The following ABCC1 variants were observed in gnomAD, a reference collection of about 807,000 sequenced individuals.
The protein encoded by ABCC1 is ATP binding cassette subfamily C member 1 (ABCC1 blood group), also known as multidrug resistance-associated protein 1.
A neutral mutation model predicts 172.9 loss-of-function variants in ABCC1; 83 were observed. The observed-to-expected ratio is 0.48, with a 90% CI of 0.40 to 0.58. The LOEUF (loss-of-function observed/expected upper bound fraction) is 0.58. Ranked by LOEUF, ABCC1 falls within the 20% of genes least tolerant of loss-of-function variation. ABCC1 has a pLI of 0.00. For missense variants in ABCC1, 1,817 were observed against 2,002.7 expected, an observed-to-expected ratio of 0.91 and a Z score of 1.77; for synonymous variants, 937 against 825.2, an observed-to-expected ratio of 1.14 and a Z score of -2.32.
intron 19 of ABCC1, among the ~76,000 whole-genome samples, chr16:16,093,242 A>G (rs1326903703): frequency 1.3e-5 from 2 of 151,880 alleles, no homozygotes; most frequent in Non-Finnish European, 2.9e-5. Context: ...TTAGGTGACA[A>G]TACCCTTTGT....
At chr16:16,134,603 C>T in intron 28 of ABCC1, 95 bp downstream of exon 28, 6 of 589,040 alleles carry the variant, frequency 1.0e-5, no homozygotes, top group Non-Finnish European at 1.8e-5. Context: ...GGCAAACATA[C>T]ATTTGGCCCT....
At position 16,045,980 on chromosome 16, in the gene ABCC1, C is replaced by T. The variant is rs780986524; in HGVS notation, c.1185C>T (p.Ile395=). 2 of 1,614,176 alleles carry T rather than the reference C, an allele frequency of 1.2e-6. No homozygotes were observed. The highest frequency in any genetic ancestry group is 8.5e-7 in the Non-Finnish European group (1 of 1,180,036). ...FHICFVSGMR[I]KTAVIGAVYR... ...TCTGCTTCGTCAGTGGCATGAGGAT[C>T]AAGACCGCTGTCATTGGGGCTGTCT... The change falls in exon 9 of 31, where the codon ATC becomes ATT. Residue 395 remains isoleucine, a synonymous_variant. Transcript: ENST00000399410.
chr16:16,123,437 C>T (rs913921368), intron 24 of ABCC1, among the ~76,000 whole-genome samples: 5 of 151,936 alleles, frequency 3.3e-5, no homozygotes, highest in Non-Finnish European at 7.4e-5. Context: ...GAGTTCAAGA[C>T]CAGCCTGGTC....
At chr16:15,976,156 A>G (rs2046486983) in intron 1 of ABCC1, among the ~76,000 whole-genome samples, 1 of 151,830 alleles carries the variant, frequency 6.6e-6, no homozygotes, top group Non-Finnish European at 1.5e-5. Flanking sequence ...GATCCCAGCT[A>G]CTCGGGAGGC....
intron 27 of ABCC1, 67 bp downstream of exon 27, chr16:16,132,002 A>G: frequency 6.4e-7 from 1 of 1,567,864 alleles, no homozygotes; most frequent in Non-Finnish European, 8.7e-7. Context: ...CGGGCAGGTG[A>G]ACCTAGCTGC....
At chr16:16,020,519 A>G (rs755722775) in intron 5 of ABCC1, among the ~76,000 whole-genome samples, 28 of 152,234 alleles carry the variant, frequency 1.8e-4, no homozygotes, top group Non-Finnish European at 1.3e-4. Context: ...ACTCGCGTTC[A>G]TCACATAGTG....
Position 15,977,935 on chromosome 16 carries a change from C to T in ABCC1, c.48+28136C>T, listed in dbSNP as rs928165018. Among the ~76,000 whole-genome samples the T allele has an allele frequency of 2.6e-5, 4 of 152,142 alleles. No homozygotes were observed. The East Asian group carries it at 5.8e-4, about 22-fold the overall frequency. On this transcript the variant is annotated intron_variant, in intron 1 of 30. Transcript: ENST00000399410. ...CTGTGTTGAAGTTTTCTTCTTTTTACAGGCTGTACAACCTTGGGCAAGTTG... is the reference window on the plus strand; with the variant it reads ...CTGTGTTGAAGTTTTCTTCTTTTTATAGGCTGTACAACCTTGGGCAAGTTG...
At chr16:15,953,042 C>CA (rs1175286237) in intron 1 of ABCC1, among the ~76,000 whole-genome samples, 2 of 139,246 alleles carry the variant, frequency 1.4e-5, no homozygotes, top group African/African-American at 2.7e-5. Context: ...GACCCTGTCT[C>CA]AAAAAAAAGA....
At chr16:16,072,428 A>T (rs1276060916) in intron 14 of ABCC1, among the ~76,000 whole-genome samples, 1 of 149,798 alleles carries the variant, frequency 6.7e-6, no homozygotes, top group Admixed American at 6.7e-5. Flanking sequence ...CAAGCAATCC[A>T]CCTGCCTCAG....
At chr16:16,008,828 G>A (rs1359036562) in intron 2 of ABCC1, among the ~76,000 whole-genome samples, 7 of 136,838 alleles carry the variant, frequency 5.1e-5, no homozygotes, top group Admixed American at 3.7e-4. Flanking sequence ...GTGCAACAGA[G>A]CGAGACTCCT....
At chr16:16,119,446 A>G (rs2045054111) in intron 23 of ABCC1, among the ~76,000 whole-genome samples, 1 of 152,102 alleles carries the variant, frequency 6.6e-6, no homozygotes, top group Admixed American at 6.6e-5. Context: ...TGAAAAAAAC[A>G]TCAGATCGGC....
At chr16:16,121,624 G>C (rs965018022) in intron 23 of ABCC1, among the ~76,000 whole-genome samples, 1 of 152,168 alleles carries the variant, frequency 6.6e-6, no homozygotes, top group Non-Finnish European at 1.5e-5. Flanking sequence ...ACCTTGGGGA[G>C]GAGATTAACT....
chr16:16,138,317 G>A (rs369461454), intron 29 of ABCC1, 47 bp from the exon 30 acceptor site: 47 of 1,533,338 alleles, frequency 3.1e-5, no homozygotes, highest in Non-Finnish European at 3.4e-5. Context: ...CAGGGTCAGG[G>A]GTGGTTTGAC....
chr16:16,121,943 C>T (rs2045177183), intron 23 of ABCC1, 32 bp from the exon 24 acceptor site: 1 of 1,611,330 alleles, frequency 6.2e-7, no homozygotes, highest in Admixed American at 1.7e-5. Context: ...AGGGAACCTT[C>T]ATCAACTCCC....
intron 1 of ABCC1, among the ~76,000 whole-genome samples, chr16:16,006,021 G>A (rs937367): frequency 0.5 from 74,695 of 150,530 alleles, 19,434 homozygotes; most frequent in Non-Finnish European, 0.59. Context: ...ATAAAAAGCC[G>A]GAAATCAAAT....
At position 16,111,415 on chromosome 16, in the gene ABCC1, G is replaced by T; in HGVS notation, c.2912G>T (p.Gly971Val). The change falls in exon 22 of 31, where the codon GGA becomes GTA. Residue 971 changes from glycine (G) to valine (V), a missense_variant. Physicochemically the swap from Gly to Val is moderately radical, Grantham distance 109. Transcript: ENST00000399410. ...SVYWDYMKAIGLFISFLSIFL... is the reference protein window; with the variant it reads ...SVYWDYMKAIVLFISFLSIFL... ...TACTGGGACTACATGAAGGCCATCG[G>T]ACTCTTCATCTCCTTCCTCAGCATC... is the stretch of plus-strand genomic sequence containing the variant. 6.2e-7 allele frequency: 1 copy of T among 1,614,092 alleles called. No individual in the cohort carries two copies. Among genetic ancestry groups the T allele is most frequent in the Non-Finnish European group, 8.5e-7 (1 of 1,180,030 alleles).
At chr16:15,962,499 G>T (rs2046156922) in intron 1 of ABCC1, among the ~76,000 whole-genome samples, 1 of 152,132 alleles carries the variant, frequency 6.6e-6, no homozygotes, top group African/African-American at 2.4e-5. Context: ...ATGCTGCTAT[G>T]AAAAAATACC....
intron 11 of ABCC1, among the ~76,000 whole-genome samples, chr16:16,054,678 G>A (rs2049575910): frequency 6.6e-6 from 1 of 152,034 alleles, no homozygotes. Context: ...GCCCTGAGTG[G>A]CCCGACTCAA....
chr16:16,126,343 G>A (rs1019494936), intron 26 of ABCC1, among the ~76,000 whole-genome samples: 3 of 152,094 alleles, frequency 2.0e-5, no homozygotes, highest in South Asian at 2.1e-4. Context: ...TCAACAGGAC[G>A]GATTCTGTCT....
Sources: gnomAD v4.1 joint callset for allele counts (sites outside exome capture counted in the v4.1 genomes callset) on GRCh38, gnomAD v4.1.1 for gene constraint, MANE v1.5 for transcripts, NCBI Gene and HGNC (gene_info 2026-07-23, HGNC 2026-07-21) for gene names.